EYS: variants seen among roughly 807,000 people sequenced by gnomAD.
The protein encoded by EYS is EGF-like photoreceptor maintenance factor, also known as protein eyes shut homolog.
A neutral mutation model predicts 282.1 loss-of-function variants in EYS; 250 were observed. The ratio of observed to expected loss-of-function variants is 0.89; its 90% CI spans 0.80 to 0.98. The LOEUF (loss-of-function observed/expected upper bound fraction) is 0.98. EYS is among the 50% of genes least tolerant of loss of function. The probability of loss-of-function intolerance (pLI) is 0.00; values close to 1 mark genes in which losing one functional copy is unlikely to be tolerated. For missense variants in EYS, 4,016 were observed against 3,709.0 expected (o/e 1.08, Z -2.15); for synonymous variants, 1,355 against 1,282.9 (o/e 1.06, Z -1.20).
intron 5 of EYS, among the ~76,000 whole-genome samples, chr6:65,431,282 A>G (rs1203508235): frequency 6.6e-6 from 1 of 152,058 alleles, no homozygotes; most frequent in Non-Finnish European, 1.5e-5. Flanking sequence ...TTACTCCTTA[A>G]TATCACCATC....
At chr6:65,507,591 C>T (rs1158393756) in intron 2 of EYS, among the ~76,000 whole-genome samples, 6 of 152,048 alleles carry the variant, frequency 3.9e-5, no homozygotes, top group African/African-American at 7.2e-5. Flanking sequence ...AATTGTCCCA[C>T]AGTACTTAGA....
At chr6:65,627,004 C>T (rs1252168977) in intron 2 of EYS, among the ~76,000 whole-genome samples, 1 of 134,188 alleles carries the variant, frequency 7.5e-6, no homozygotes, top group Non-Finnish European at 1.6e-5. Context: ...GCCTTTCTTT[C>T]TCTCTCTGCC....
intron 5 of EYS, among the ~76,000 whole-genome samples, chr6:65,474,815 A>C (rs1765339047): frequency 6.6e-6 from 1 of 152,110 alleles, no homozygotes; most frequent in African/African-American, 2.4e-5. Flanking sequence ...ACCAGTAAAA[A>C]CTTTGAGTAG....
At chr6:63,979,759 A>C (rs1345019010) in intron 35 of EYS, among the ~76,000 whole-genome samples, 1 of 151,920 alleles carries the variant, frequency 6.6e-6, no homozygotes, top group East Asian at 1.9e-4. Flanking sequence ...CACTTTCTAA[A>C]CTGAATTTCA....
chr6:64,720,301 C>G, intron 22 of EYS, among the ~76,000 whole-genome samples: 1 of 152,160 alleles, frequency 6.6e-6, no homozygotes. Flanking sequence ...CTTCCTGCAT[C>G]CTTCTTATGA....
chr6:64,909,647 A>C (rs1767932411), intron 16 of EYS, among the ~76,000 whole-genome samples: 1 of 152,126 alleles, frequency 6.6e-6, no homozygotes, highest in Non-Finnish European at 1.5e-5. Flanking sequence ...CAGAAGACAG[A>C]AGCTTTGCCC....
chr6:65,011,276 A>G (rs929200169), intron 13 of EYS, among the ~76,000 whole-genome samples: 1 of 152,154 alleles, frequency 6.6e-6, no homozygotes, highest in African/African-American at 2.4e-5. Context: ...TTTCAAAACT[A>G]TCAAGCAGAT....
intron 2 of EYS, among the ~76,000 whole-genome samples, chr6:65,624,569 A>G (rs995612238): frequency 6.6e-6 from 1 of 152,124 alleles, no homozygotes; most frequent in Admixed American, 6.5e-5. Flanking sequence ...GGAGATTAAC[A>G]TTTGAGTTAG....
chr6:64,499,960 G>A (rs1776989135), intron 26 of EYS, among the ~76,000 whole-genome samples: 1 of 152,002 alleles, frequency 6.6e-6, no homozygotes, highest in Non-Finnish European at 1.5e-5. Flanking sequence ...AACTTTTGAT[G>A]GGGACATTAC....
intron 24 of EYS, among the ~76,000 whole-genome samples, chr6:64,610,019 G>A (rs1025989492): frequency 5.9e-5 from 9 of 151,936 alleles, no homozygotes; most frequent in African/African-American, 2.2e-4. Context: ...TGGCATAGAG[G>A]AAAGAACACT....
chr6:64,633,875 G>A (rs1024128406), intron 22 of EYS, among the ~76,000 whole-genome samples: 24 of 152,172 alleles, frequency 1.6e-4, no homozygotes, highest in Non-Finnish European at 2.9e-5. Context: ...AATCCAGCTC[G>A]CATCTTGAGT....
At chr6:65,403,895 A>G (rs1323261712) in intron 6 of EYS, among the ~76,000 whole-genome samples, 2 of 152,080 alleles carry the variant, frequency 1.3e-5, no homozygotes, top group Non-Finnish European at 2.9e-5. Flanking sequence ...GATACTATTA[A>G]TAGTTCTTGA....
intron 2 of EYS, among the ~76,000 whole-genome samples, chr6:65,594,303 A>G (rs1427060862): frequency 1.3e-5 from 2 of 152,028 alleles, no homozygotes; most frequent in Admixed American, 1.3e-4. Context: ...TCACCCAACC[A>G]ATAAGCAGAT....
At chr6:65,063,883 T>C (rs1773653683) in intron 12 of EYS, among the ~76,000 whole-genome samples, 1 of 151,808 alleles carries the variant, frequency 6.6e-6, no homozygotes, top group South Asian at 2.1e-4. Context: ...CTGGTACTGA[T>C]AGAAGCCAAT....
chr6:63,760,540 T>G (rs912034692), intron 41 of EYS, among the ~76,000 whole-genome samples: 8 of 152,036 alleles, frequency 5.3e-5, no homozygotes, highest in African/African-American at 1.9e-4. Context: ...TCTATGTGGA[T>G]GTCACCCATT....
rs531326565 is a variant in EYS at position 65,012,231 on chromosome 6, T to C, written c.2138-14528A>G. Among the ~76,000 whole-genome samples, 3 of 152,230 alleles carry C rather than the reference T, an allele frequency of 2.0e-5. No individual in the cohort carries two copies. In the East Asian group the frequency reaches 5.8e-4, roughly 29 times the overall value. ...GAAATGTACACAAGTATTTAAGAAA[T>C]AGGATTATTTGATTCAAGAGAAACC... On this transcript the variant is annotated intron_variant, in intron 13 of 42. Coordinates refer to ENST00000503581, the MANE Select transcript of EYS (RefSeq NM_001142800.2).
At chr6:65,501,671 C>A (rs1005524968) in intron 2 of EYS, among the ~76,000 whole-genome samples, 4 of 151,622 alleles carry the variant, frequency 2.6e-5, no homozygotes, top group African/African-American at 4.8e-5. Context: ...ATTAACATTT[C>A]TTTAGCTTGT....
chr6:65,593,765 T>TC (rs1765311593), intron 2 of EYS, among the ~76,000 whole-genome samples: 2 of 151,998 alleles, frequency 1.3e-5, no homozygotes, highest in African/African-American at 4.8e-5. Flanking sequence ...TTATATTTTG[T>TC]CCTTCTCTTT....
intron 29 of EYS, among the ~76,000 whole-genome samples, chr6:64,339,512 C>A (rs982119568): frequency 2.6e-5 from 4 of 151,854 alleles, no homozygotes; most frequent in Non-Finnish European, 5.9e-5. Context: ...TCAGGGAACA[C>A]TTCTACACAC....
Sources: allele counts gnomAD v4.1 joint callset (sites outside exome capture counted in the v4.1 genomes callset), GRCh38; gene constraint gnomAD v4.1.1; transcripts MANE v1.5; gene names NCBI Gene and HGNC (gene_info 2026-07-23, HGNC 2026-07-21).